STOX2: variants seen among roughly 807,000 people sequenced by gnomAD.
STOX2 encodes the protein storkhead-box protein 2.
Under a neutral mutation model 60.9 loss-of-function variants are expected in STOX2, and 28 were observed. That is an observed-to-expected ratio of 0.46 (90% CI 0.34 to 0.63). The LOEUF is 0.63. Among genes scored for constraint, STOX2 ranks in the 30% least tolerant of loss-of-function variants. The pLI is 0.01. For missense variants in STOX2, 1,024 were observed against 1,187.7 expected, an observed-to-expected ratio of 0.86 and a Z score of 2.03; for synonymous variants, 472 against 463.9, an observed-to-expected ratio of 1.02 and a Z score of -0.22.
chr4:183,812,381 A>G (rs9995452), intron 1 of STOX2, among the ~76,000 whole-genome samples: 41,650 of 152,162 alleles, frequency 0.27, 6,661 homozygotes, highest in African/African-American at 0.45. Context: ...TTAATTGATA[A>G]AGTTGCATTG....
chr4:183,954,807 C>T (rs993174910), intron 1 of STOX2, among the ~76,000 whole-genome samples: 25 of 151,966 alleles, frequency 1.6e-4, no homozygotes, highest in African/African-American at 9.7e-5. Flanking sequence ...GGTGCGATCT[C>T]GGCTCAGTGC....
chr4:183,809,024 A>C (rs7666373), intron 1 of STOX2, among the ~76,000 whole-genome samples: 45,897 of 152,172 alleles, frequency 0.3, 8,424 homozygotes, highest in African/African-American at 0.52. Flanking sequence ...TACGCATTGT[A>C]AACAATAGGA....
chr4:183,956,333 T>C (rs1333695515), intron 1 of STOX2, among the ~76,000 whole-genome samples: 1 of 152,184 alleles, frequency 6.6e-6, no homozygotes, highest in Non-Finnish European at 1.5e-5. Context: ...CACCTAGATT[T>C]ACTAATTGTT....
At chr4:183,900,130 G>GA (rs1741431640) in intron 1 of STOX2, among the ~76,000 whole-genome samples, 1 of 152,188 alleles carries the variant, frequency 6.6e-6, no homozygotes, top group Non-Finnish European at 1.5e-5. Context: ...CCACTGTTGA[G>GA]ACCTGCTGCT....
intron 1 of STOX2, among the ~76,000 whole-genome samples, chr4:183,956,065 C>G (rs920039441): frequency 6.6e-5 from 10 of 152,174 alleles, no homozygotes; most frequent in African/African-American, 1.9e-4. Context: ...GGGTTAACCT[C>G]TCCAGTATAT....
At chr4:183,996,580 T>A (rs1733356610) in intron 1 of STOX2, among the ~76,000 whole-genome samples, 1 of 152,208 alleles carries the variant, frequency 6.6e-6, no homozygotes, top group Non-Finnish European at 1.5e-5. Flanking sequence ...AATGACTAGT[T>A]GGCTCGTTAA....
At chr4:183,984,078 A>G (rs1371541735) in intron 1 of STOX2, among the ~76,000 whole-genome samples, 1 of 152,156 alleles carries the variant, frequency 6.6e-6, no homozygotes, top group African/African-American at 2.4e-5. Flanking sequence ...CACCTTGTCC[A>G]TGCTTCCTCC....
At chr4:183,863,732 A>C (rs2111156954) in intron 1 of STOX2, among the ~76,000 whole-genome samples, 1 of 152,326 alleles carries the variant, frequency 6.6e-6, no homozygotes, top group African/African-American at 2.4e-5. Flanking sequence ...AAGGCTACAT[A>C]TTTACATAGA....
chr4:183,849,311 G>A (rs1307945687), intron 1 of STOX2, among the ~76,000 whole-genome samples: 1 of 152,222 alleles, frequency 6.6e-6, no homozygotes, highest in Non-Finnish European at 1.5e-5. Context: ...CTGCTACTGG[G>A]TGCAAGACCC....
At position 183,865,217 on chromosome 4, in the gene STOX2, TGTAC is replaced by T. The variant is rs1380469168; in HGVS notation, c.364+67163_364+67166del. On this transcript the variant is annotated intron_variant, in intron 1 of 2. Transcript: ENST00000513034. This position sits in a 1 kb window ranked among gnomAD's most constrained non-coding sequence, Gnocchi z 4.1. ...CATGTGTTTAATCCTTGTTAGGCTTTGTACACAGCACAAACTCCATTGAATGAAA... is the reference window on the plus strand; with the variant it reads ...CATGTGTTTAATCCTTGTTAGGCTTTACAGCACAAACTCCATTGAATGAAA... 2.0e-5 allele frequency among the ~76,000 whole-genome samples: 3 copies of T among 152,278 alleles called. No homozygotes were observed. The highest frequency in any genetic ancestry group is 4.4e-5 in the Non-Finnish European group (3 of 68,044).
At chr4:183,835,537 TTTAA>T (rs749866501) in intron 1 of STOX2, among the ~76,000 whole-genome samples, 8 of 152,250 alleles carry the variant, frequency 5.3e-5, no homozygotes, top group South Asian at 2.1e-4. Flanking sequence ...CCAATAGATT[TTTAA>T]TTAATTAATT....
intron 1 of STOX2, among the ~76,000 whole-genome samples, chr4:183,824,167 A>G (rs1013193978): frequency 2.0e-5 from 3 of 152,248 alleles, no homozygotes; most frequent in Admixed American, 2.0e-4. Flanking sequence ...CTACTTTAAA[A>G]TAATTTTGGG....
intron 1 of STOX2, among the ~76,000 whole-genome samples, chr4:183,967,597 C>G (rs1158421784): frequency 1.3e-5 from 2 of 152,074 alleles, no homozygotes; most frequent in African/African-American, 4.8e-5. Flanking sequence ...TGTTTGGGAC[C>G]GGAGATGTAC....
chr4:183,847,289 A>G (rs1006114680), intron 1 of STOX2, among the ~76,000 whole-genome samples: 3 of 152,162 alleles, frequency 2.0e-5, no homozygotes, highest in African/African-American at 7.2e-5. Context: ...TTACATGGGA[A>G]CTTTTCAAAG....
At chr4:183,883,983 G>A (rs938884075) in intron 1 of STOX2, among the ~76,000 whole-genome samples, 1 of 151,910 alleles carries the variant, frequency 6.6e-6, no homozygotes, top group South Asian at 2.1e-4. Flanking sequence ...ATCCTGAGTA[G>A]CTGGGACTAC....
chr4:183,938,611 G>C (rs7375891), intron 1 of STOX2, among the ~76,000 whole-genome samples: 1 of 147,626 alleles, frequency 6.8e-6, no homozygotes, highest in Non-Finnish European at 1.5e-5. Context: ...GGAGGCTGCA[G>C]TGAGCGGAGA....
chr4:183,992,278 A>G (rs1202216871), intron 1 of STOX2, among the ~76,000 whole-genome samples: 2 of 152,214 alleles, frequency 1.3e-5, no homozygotes, highest in Non-Finnish European at 2.9e-5. Context: ...ATTGTATTTT[A>G]CAGAAATCAG....
rs570430263 is a variant in STOX2 at position 183,932,355 on chromosome 4, AC to A, written c.166+25400del. Among the ~76,000 whole-genome samples the A allele has an allele frequency of 4.9e-4, 11 of 22,246 alleles. 3 individuals carry two copies. The highest frequency in any genetic ancestry group is 1.2e-3 in the African/African-American group (11 of 9,270). The allele number at this position is 22,246 out of a possible 152,430, so 14.6% of individuals were successfully genotyped here. On this transcript the variant is annotated intron_variant, in intron 1 of 3. Transcript: ENST00000308497. The stretch of plus-strand genomic sequence containing the variant: ...ACATACAGTATATGTATGTATACAT[AC>A]AGTATATGTATGTATACATACAGTA...
At chr4:183,801,328 A>G (rs1738759068) in intron 1 of STOX2, among the ~76,000 whole-genome samples, 1 of 152,238 alleles carries the variant, frequency 6.6e-6, no homozygotes, top group Admixed American at 6.5e-5. Flanking sequence ...GGTATACAGG[A>G]TGCTGGTAAT....
Sources: allele counts gnomAD v4.1 joint callset (sites outside exome capture counted in the v4.1 genomes callset), GRCh38; gene constraint gnomAD v4.1.1; non-coding constraint Gnocchi (gnomAD v3.1); transcripts MANE v1.5; gene names NCBI Gene and HGNC (gene_info 2026-07-23, HGNC 2026-07-21).